The following EDA variants were observed in gnomAD, a reference collection of about 807,000 sequenced individuals.
EDA encodes the protein ectodysplasin A, also known as ectodysplasin-A.
EDA carries 2 observed loss-of-function variants against 23.6 expected under a neutral mutation model. The ratio of observed to expected loss-of-function variants is 0.08; its 90% CI spans 0.03 to 0.27. The LOEUF (loss-of-function observed/expected upper bound fraction) is 0.27. EDA is among the 10% of genes least tolerant of loss of function. The probability of loss-of-function intolerance (pLI) is 1.00; values close to 1 mark genes in which losing one functional copy is unlikely to be tolerated. For synonymous variants in EDA, 131 were observed against 132.0 expected (o/e 0.99, Z 0.05); for missense variants, 229 against 324.2 (o/e 0.71, Z 2.26).
At chrX:70,001,376 A>G (rs2019738171) in intron 2 of EDA, among the ~76,000 whole-genome samples, 1 of 94,548 alleles carries the variant, frequency 1.1e-5, no homozygotes, top group South Asian at 4.1e-4. Flanking sequence ...TTCTCAATGT[A>G]ATCGCTGTTT....
intron 1 of EDA, among the ~76,000 whole-genome samples, chrX:69,810,629 A>G (rs1190187048): frequency 1.8e-5 from 2 of 108,740 alleles, no homozygotes; most frequent in East Asian, 5.8e-4. Flanking sequence ...GGTGGTGGCC[A>G]CCTGTAATCC....
chrX:70,001,163 G>T (rs1299071555), intron 2 of EDA, among the ~76,000 whole-genome samples: 2 of 111,565 alleles, frequency 1.8e-5, no homozygotes, highest in East Asian at 5.6e-4. Flanking sequence ...CTCCATCCTA[G>T]GGCAGGCACT....
At chrX:69,914,656 A>G (rs1369917856) in intron 1 of EDA, among the ~76,000 whole-genome samples, 1 of 111,341 alleles carries the variant, frequency 9.0e-6, no homozygotes, top group Non-Finnish European at 1.9e-5. Context: ...ATTTGGAACT[A>G]TATAATAAAT....
At chrX:69,635,274 A>G (rs568582233) in intron 1 of EDA, among the ~76,000 whole-genome samples, 1 of 112,103 alleles carries the variant, frequency 8.9e-6, no homozygotes, top group South Asian at 3.7e-4. Flanking sequence ...CTATGTAGGA[A>G]TGATTTTGAA....
chrX:69,782,366 T>TAAAAAAAAAAA lies in EDA; in HGVS notation c.396+165678_396+165688dup, dbSNP rs751293381. 2.6e-3 allele frequency among the ~76,000 whole-genome samples: 172 copies of TAAAAAAAAAAA among 65,438 alleles called. 5 individuals carry two copies. Among genetic ancestry groups the TAAAAAAAAAAA allele is most frequent in the African/African-American group, 0.012 (160 of 13,084 alleles). 56.8% of individuals were successfully genotyped at this position (65,438 alleles called of 115,157 possible). On this transcript the variant is annotated intron_variant, in intron 1 of 7. Coordinates refer to ENST00000374552, the MANE Select transcript of EDA (RefSeq NM_001399.5). ...GTAGACAAATAACATTAAATGCTCT[T>TAAAAAAAAAAA]AAAAAAAAAAAAAAAAAAAAAAAAA... is the stretch of plus-strand genomic sequence containing the variant.
At chrX:69,918,496 A>G (rs1282421059) in intron 1 of EDA, among the ~76,000 whole-genome samples, 1 of 111,284 alleles carries the variant, frequency 9.0e-6, no homozygotes, top group East Asian at 2.8e-4. Context: ...TGTAACTTGA[A>G]CTCTCTGCAA....
intron 1 of EDA, among the ~76,000 whole-genome samples, chrX:69,696,973 G>A (rs1191889016): frequency 1.8e-5 from 2 of 111,823 alleles, no homozygotes; most frequent in African/African-American, 6.5e-5. Context: ...AGTTATCTGC[G>A]ATCAATTGCA....
chrX:69,811,065 A>G (rs1331968594), intron 1 of EDA, among the ~76,000 whole-genome samples: 1 of 112,024 alleles, frequency 8.9e-6, no homozygotes, highest in African/African-American at 3.2e-5. Context: ...CTAGTTAGCC[A>G]TCTGATTTTT....
chrX:69,869,126 T>C (rs968558325), intron 1 of EDA, among the ~76,000 whole-genome samples: 3 of 111,739 alleles, frequency 2.7e-5, no homozygotes, highest in African/African-American at 9.8e-5. Flanking sequence ...CTCACCATAG[T>C]AGCCCTCACC....
Position 70,035,687 on chromosome X carries a change from T to C in EDA, c.*78T>C. On this transcript the variant is annotated 3_prime_UTR_variant, in exon 8 of 8. Coordinates refer to ENST00000374552, the MANE Select transcript of EDA (RefSeq NM_001399.5). ...GACTCCCAGAACCTCTAAGTGCTGC[T>C]GTGGAGTGAGGTGTATTGGTGTTGC... 1.8e-6 allele frequency: 2 copies of C among 1,126,072 alleles called. No homozygotes were observed. The highest frequency in any genetic ancestry group is 2.4e-6 in the Non-Finnish European group (2 of 824,802). 92.8% of individuals were successfully genotyped at this position (1,126,072 alleles called of 1,213,427 possible).
intron 1 of EDA, among the ~76,000 whole-genome samples, chrX:69,820,403 T>C (rs1294907435): frequency 8.9e-6 from 1 of 111,812 alleles, no homozygotes. Context: ...TGGGATCTAA[T>C]TAAACTAAAG....
At chrX:69,660,676 C>T (rs191675545) in intron 1 of EDA, among the ~76,000 whole-genome samples, 6,966 of 111,127 alleles carry the variant, frequency 0.063, 208 homozygotes, top group Non-Finnish European at 0.089. Context: ...GGAACTCATC[C>T]TTTTTTATGG....
chrX:69,616,873 G>C (rs772753764), intron 1 of EDA, 169 bp downstream of exon 1: 337 of 656,634 alleles, frequency 5.1e-4, no homozygotes, highest in Non-Finnish European at 6.7e-4. Context: ...GGTTGTCTTC[G>C]GTCCCTGGCC....
At chrX:69,888,667 T>C (rs113726242) in intron 1 of EDA, among the ~76,000 whole-genome samples, 2,294 of 107,730 alleles carry the variant, frequency 0.021, 69 homozygotes, top group African/African-American at 0.074. Flanking sequence ...TCAGACAAAA[T>C]AGACTTTAAG....
At chrX:69,664,083 T>C (rs1288212198) in intron 1 of EDA, among the ~76,000 whole-genome samples, 2 of 111,802 alleles carry the variant, frequency 1.8e-5, no homozygotes, top group African/African-American at 6.5e-5. Flanking sequence ...CTGTGGACTT[T>C]TGAGTTAATG....
At chrX:69,662,040 C>T (rs1022910492) in intron 1 of EDA, among the ~76,000 whole-genome samples, 7 of 111,071 alleles carry the variant, frequency 6.3e-5, no homozygotes, top group Non-Finnish European at 1.3e-4. Context: ...TACATATACT[C>T]CTCATGTTGT....
At chrX:69,927,967 G>A (rs915164674) in intron 1 of EDA, among the ~76,000 whole-genome samples, 10 of 111,068 alleles carry the variant, frequency 9.0e-5, no homozygotes, top group Non-Finnish European at 1.7e-4. Flanking sequence ...AAATGTTAGG[G>A]GGGAAGAATA....
chrX:69,678,129 T>C (rs910131018), intron 1 of EDA, among the ~76,000 whole-genome samples: 2 of 111,238 alleles, frequency 1.8e-5, no homozygotes, highest in Admixed American at 9.6e-5. Context: ...ATCAGATAGT[T>C]GTAGATATGC....
At chrX:69,736,774 CTT>C (rs3047817) in intron 1 of EDA, among the ~76,000 whole-genome samples, 1 of 89,404 alleles carries the variant, frequency 1.1e-5, no homozygotes. Flanking sequence ...CTTACTCCAA[CTT>C]TTTTTTTTTT....
Sources: gnomAD v4.1 joint callset for allele counts (sites outside exome capture counted in the v4.1 genomes callset) on GRCh38, gnomAD v4.1.1 for gene constraint, MANE v1.5 for transcripts, NCBI Gene and HGNC (gene_info 2026-07-23, HGNC 2026-07-21) for gene names.